Variants in DEF6 observed in about 807,000 individuals in gnomAD.
The protein encoded by DEF6 is differentially expressed in FDCP 6 homolog.
In DEF6, 32 loss-of-function variants were observed where a neutral mutation model predicts 80.5. That is an observed-to-expected ratio of 0.40 (90% CI 0.30 to 0.53). The LOEUF is 0.53. Ranked by LOEUF, DEF6 falls within the 20% of genes least tolerant of loss-of-function variation. DEF6 has a pLI of 0.57. For synonymous variants in DEF6, 300 were observed against 337.9 expected (o/e 0.89, Z 1.23); for missense variants, 575 against 818.7 (o/e 0.70, Z 3.63).
chr6:35,316,916 T>C (rs1219322727), intron 5 of DEF6, among the ~76,000 whole-genome samples: 2 of 152,256 alleles, frequency 1.3e-5, no homozygotes, highest in Admixed American at 1.3e-4. Flanking sequence ...TTCTGCTTTC[T>C]GTCTCCATGA....
At chr6:35,320,476 A>AC (rs764853504) in intron 9 of DEF6, among the ~76,000 whole-genome samples, 6 of 152,190 alleles carry the variant, frequency 3.9e-5, no homozygotes, top group Non-Finnish European at 8.8e-5. Flanking sequence ...GAAATGTTGA[A>AC]CAGAGGTTCT....
At chr6:35,302,359 A>C (rs951720895) in intron 1 of DEF6, among the ~76,000 whole-genome samples, 1 of 146,654 alleles carries the variant, frequency 6.8e-6, no homozygotes, top group African/African-American at 2.5e-5. Context: ...ATTCTTTCTT[A>C]AAAAAAAAAA....
chr6:35,314,355 C>G (rs993908099), intron 5 of DEF6, among the ~76,000 whole-genome samples: 2 of 138,026 alleles, frequency 1.4e-5, no homozygotes, highest in African/African-American at 5.5e-5. Flanking sequence ...TGCAGTGAGT[C>G]AAGATTGCAC....
chr6:35,299,811 G>A (rs1221792350), intron 1 of DEF6, among the ~76,000 whole-genome samples: 1 of 152,132 alleles, frequency 6.6e-6, no homozygotes, highest in Admixed American at 6.5e-5. Flanking sequence ...GGCGGAAATG[G>A]CGGGGCTCCT....
chr6:35,306,435 CGA>C (rs964533544), intron 1 of DEF6, among the ~76,000 whole-genome samples: 8 of 151,336 alleles, frequency 5.3e-5, no homozygotes, highest in African/African-American at 1.9e-4. Context: ...CACCTGAACC[CGA>C]GAGGCAGAGG....
chr6:35,311,006 T>C (rs956469476), intron 3 of DEF6, among the ~76,000 whole-genome samples: 6 of 152,324 alleles, frequency 3.9e-5, no homozygotes, highest in African/African-American at 1.4e-4. Flanking sequence ...TTGCCACTTC[T>C]TCCAGGACAG....
chr6:35,302,380 G>A (rs1791326351), intron 1 of DEF6, among the ~76,000 whole-genome samples: 1 of 152,032 alleles, frequency 6.6e-6, no homozygotes, highest in African/African-American at 2.4e-5. Flanking sequence ...GTCAATTTAG[G>A]AGAGAATTCT....
At chr6:35,302,811 T>C (rs1203742403) in intron 1 of DEF6, among the ~76,000 whole-genome samples, 1 of 152,098 alleles carries the variant, frequency 6.6e-6, no homozygotes, top group Non-Finnish European at 1.5e-5. Flanking sequence ...CTCTGGGTGA[T>C]TGTGGTGCTC....
intron 1 of DEF6, 30 bp downstream of exon 1, chr6:35,297,982 C>T (rs764516210): frequency 2.3e-5 from 36 of 1,551,232 alleles, no homozygotes; most frequent in African/African-American, 8.1e-5. Flanking sequence ...CGGGGGAGGA[C>T]GGCAGATGCA....
chr6:35,319,415 C>T lies in DEF6; in HGVS notation c.1216-109C>T. ...AGGAAACCCCAACATGAAGGAGTTC[C>T]CCAGACCCTCACCCCTAGGCAGCTT... On this transcript the variant is annotated intron_variant, in intron 7 of 10. Transcript: ENST00000316637. The surrounding 1 kb of genome is among the most constrained non-coding windows in gnomAD (Gnocchi z 4.5). 2 of 779,928 alleles carry T rather than the reference C, an allele frequency of 2.6e-6. No homozygotes were observed. The highest frequency in any genetic ancestry group is 4.1e-6 in the Non-Finnish European group (2 of 485,450). The allele number at this position is 779,928 out of a possible 1,614,324, so 48.3% of individuals were successfully genotyped here.
In DEF6 at chr6:35,318,680, C is replaced by T. The variant is rs1163237092; in HGVS notation, c.1215+209C>T. Among the ~76,000 whole-genome samples, 2 of 152,086 alleles carry T rather than the reference C, an allele frequency of 1.3e-5. No homozygotes were observed. Among genetic ancestry groups the T allele is most frequent in the Non-Finnish European group, 2.9e-5 (2 of 68,010 alleles). ...ATGGGGCTTCCGCCAGGGACAGAAC[C>T]TGGGGCTAGGAAAGGGGTGTGGGGC... On this transcript the variant is annotated intron_variant, in intron 7 of 10. Transcript: ENST00000316637. This position sits in a 1 kb window ranked among gnomAD's most constrained non-coding sequence, Gnocchi z 5.1.
chr6:35,309,850 C>T (rs1791440380), intron 2 of DEF6, 40 bp downstream of exon 2: 4 of 1,608,408 alleles, frequency 2.5e-6, no homozygotes, highest in Non-Finnish European at 3.4e-6. Flanking sequence ...AACCTCTCCC[C>T]ACTTTTCCAG....
At chr6:35,311,880 T>C (rs1302624620) in intron 3 of DEF6, among the ~76,000 whole-genome samples, 1 of 152,256 alleles carries the variant, frequency 6.6e-6, no homozygotes, top group African/African-American at 2.4e-5. Context: ...AATCGGGTTC[T>C]GGCTGCCCCC....
In DEF6 at chr6:35,319,431, T is replaced by C. The variant is rs1791561220; in HGVS notation, c.1216-93T>C. On this transcript the variant is annotated intron_variant, in intron 7 of 10. Coordinates refer to ENST00000316637, the MANE Select transcript of DEF6 (RefSeq NM_022047.4). The surrounding 1 kb of genome is among the most constrained non-coding windows in gnomAD (Gnocchi z 4.5). ...AAGGAGTTCCCCAGACCCTCACCCC[T>C]AGGCAGCTTAGCAACATGCCCACCC... 1.1e-6 allele frequency: 1 copy of C among 930,616 alleles called. No homozygotes were observed. Among genetic ancestry groups the C allele is most frequent in the African/African-American group, 1.7e-5 (1 of 60,396 alleles). The allele number at this position is 930,616 out of a possible 1,614,324, so 57.6% of individuals were successfully genotyped here.
intron 1 of DEF6, among the ~76,000 whole-genome samples, chr6:35,305,763 A>T (rs1411762711): frequency 6.6e-6 from 1 of 151,950 alleles, no homozygotes; most frequent in Non-Finnish European, 1.5e-5. Context: ...AGTAGAGATG[A>T]GGTTTCGCCA....
chr6:35,309,885 C>G, intron 2 of DEF6, 75 bp downstream of exon 2: 1 of 1,547,412 alleles, frequency 6.5e-7, no homozygotes, highest in Non-Finnish European at 8.8e-7. Flanking sequence ...TAATACCTTG[C>G]CACTCCAACT....
rs1356122728 is a variant in DEF6, at chr6:35,320,037, G to A, written c.1581+20G>A. On this transcript the variant is annotated intron_variant, in intron 9 of 10. Transcript: ENST00000316637. ...GTGGAGGTGAGGCCTGGGGTGGGATGGGGTGGAGGCTGGCAGGGTGAGCTC... is the reference window on the plus strand; with the variant it reads ...GTGGAGGTGAGGCCTGGGGTGGGATAGGGTGGAGGCTGGCAGGGTGAGCTC... The A allele has an allele frequency of 1.3e-6, 2 of 1,552,894 alleles. No individual in the cohort carries two copies. Among genetic ancestry groups the A allele is most frequent in the Admixed American group, 2.0e-5 (1 of 51,024 alleles).
intron 5 of DEF6, among the ~76,000 whole-genome samples, chr6:35,315,848 T>C (rs1791518851): frequency 9.5e-6 from 1 of 104,956 alleles, no homozygotes; most frequent in South Asian, 3.0e-4. Context: ...TTGGAGTCCC[T>C]TTTTTTTTTT....
At chr6:35,302,703 C>G (rs1791331096) in intron 1 of DEF6, among the ~76,000 whole-genome samples, 1 of 152,132 alleles carries the variant, frequency 6.6e-6, no homozygotes, top group Non-Finnish European at 1.5e-5. Flanking sequence ...CTGAGGAAAC[C>G]CAAATGGCAA....
Sources: gnomAD v4.1 joint callset for allele counts (sites outside exome capture counted in the v4.1 genomes callset) on GRCh38, gnomAD v4.1.1 for gene constraint, Gnocchi (gnomAD v3.1) non-coding constraint, MANE v1.5 for transcripts, NCBI Gene and HGNC (gene_info 2026-07-23, HGNC 2026-07-21) for gene names.